Variants in PUM3 observed in about 807,000 individuals in gnomAD.
The protein encoded by PUM3 is pumilio homolog 3.
In PUM3, 91 loss-of-function variants were observed where a neutral mutation model predicts 84.0. The ratio of observed to expected loss-of-function variants is 1.08; its 90% CI spans 0.91 to 1.29. The LOEUF (loss-of-function observed/expected upper bound fraction) is 1.29. Ranked by LOEUF, PUM3 falls within the 50% of genes most tolerant of loss-of-function variation. The pLI is 0.00. For synonymous variants in PUM3, 321 were observed against 266.7 expected (o/e 1.20, Z -1.98); for missense variants, 1,067 against 767.5 (o/e 1.39, Z -4.61).
chr9:2,830,978 T>C lies in PUM3; in HGVS notation c.661A>G (p.Lys221Glu), dbSNP rs922101487. Residue 221 changes from lysine to glutamate, a missense_variant, in exon 7 of 18, where the codon AAA (lysine) becomes GAA (glutamate). Transcript: ENST00000397885. ...ACAACTTACCCATACATGAGAAATT[T>C]CTTAACAATATTTCTCGAATATTTG... ...KAKYSRNIVK[K>E]FLMYGSKPQI... The C allele has an allele frequency of 2.0e-6, 3 of 1,485,646 alleles. No individual in the cohort carries two copies. Among genetic ancestry groups the C allele is most frequent in the Non-Finnish European group, 2.8e-6 (3 of 1,071,262 alleles). The allele number at this position is 1,485,646 out of a possible 1,614,324, so 92.0% of individuals were successfully genotyped here.
intron 10 of PUM3, 107 bp downstream of exon 10, chr9:2,826,966 A>C: frequency 1.3e-6 from 1 of 778,992 alleles, no homozygotes; most frequent in South Asian, 1.7e-5. Context: ...TAAATAAGGA[A>C]GCAACTCTAA....
At chr9:2,819,897 G>C in intron 13 of PUM3, 121 bp downstream of exon 13, 1 of 544,490 alleles carries the variant, frequency 1.8e-6, no homozygotes, top group East Asian at 2.9e-5. Context: ...TTAAAAGTAA[G>C]CAAAAATACT....
At chr9:2,815,484 T>G (rs1432530158) in intron 13 of PUM3, among the ~76,000 whole-genome samples, 2 of 152,198 alleles carry the variant, frequency 1.3e-5, no homozygotes, top group African/African-American at 2.4e-5. Flanking sequence ...GTGCAGAATT[T>G]AATCTCCGGG....
chr9:2,820,496 C>A (rs1224597295), intron 12 of PUM3, among the ~76,000 whole-genome samples: 1 of 151,966 alleles, frequency 6.6e-6, no homozygotes, highest in Non-Finnish European at 1.5e-5. Flanking sequence ...ATACTCCAAT[C>A]ATGAAAAAGA....
At chr9:2,843,755 G>T (rs956923137) in intron 1 of PUM3, among the ~76,000 whole-genome samples, 22 of 151,604 alleles carry the variant, frequency 1.5e-4, no homozygotes, top group Middle Eastern at 3.4e-3. Context: ...ATTTTTTGTA[G>T]TTTTAGTAGA....
chr9:2,830,726 A>T (rs186140563), intron 7 of PUM3, among the ~76,000 whole-genome samples: 1 of 152,160 alleles, frequency 6.6e-6, no homozygotes, highest in Non-Finnish European at 1.5e-5. Flanking sequence ...TTTCAAGGAG[A>T]TTTGCAGGAC....
Position 2,811,393 on chromosome 9 carries a change from T to C in PUM3, c.1603A>G (p.Thr535Ala). The change falls in exon 15 of 18, where the codon ACA becomes GCA. Residue 535 changes from threonine to alanine, a missense_variant. Coordinates refer to ENST00000397885, the MANE Select transcript of PUM3 (RefSeq NM_014878.5). ...TMNAIASLAA[T>A]GLHPGGKDGE... is the part of the protein sequence containing the mutation. Reference sequence around the variant, plus strand: ...TCCTTGCCACCAGGATGCAGTCCTGTTGCTGCCAAGCTGGCGATGGCATTC... The same window carrying C: ...TCCTTGCCACCAGGATGCAGTCCTGCTGCTGCCAAGCTGGCGATGGCATTC... The C allele has an allele frequency of 6.2e-7, 1 of 1,614,134 alleles. No homozygotes were observed. Among genetic ancestry groups the C allele is most frequent in the Non-Finnish European group, 8.5e-7 (1 of 1,180,036 alleles).
intron 1 of PUM3, among the ~76,000 whole-genome samples, chr9:2,841,148 A>T (rs1816255012): frequency 6.6e-6 from 1 of 152,012 alleles, no homozygotes; most frequent in Non-Finnish European, 1.5e-5. Context: ...ACCATCTACA[A>T]TTTATTTATA....
At position 2,840,085 on chromosome 9, in the gene PUM3, T is replaced by C. The variant is rs1178449468; in HGVS notation, c.-10-1568A>G. Among the ~76,000 whole-genome samples, 3 of 152,206 alleles carry C rather than the reference T, an allele frequency of 2.0e-5. No individual in the cohort carries two copies. In the East Asian group the frequency reaches 5.8e-4, roughly 29 times the overall value. ...GGGTTTGCCTGATGTTTTCTCATGA[T>C]TAGGCTAAGGCTACACATTTTTTGG... On this transcript the variant is annotated intron_variant, in intron 1 of 17. Coordinates refer to ENST00000397885, the MANE Select transcript of PUM3 (RefSeq NM_014878.5).
chr9:2,820,478 CAT>C (rs1354794447), intron 12 of PUM3, among the ~76,000 whole-genome samples: 1 of 151,920 alleles, frequency 6.6e-6, no homozygotes, highest in African/African-American at 2.4e-5. Flanking sequence ...TATATAAACA[CAT>C]ATATGATACT....
intron 1 of PUM3, 35 bp from the exon 2 acceptor site, chr9:2,838,552 T>A (rs377688119): frequency 1.3e-4 from 169 of 1,274,474 alleles, no homozygotes; most frequent in Non-Finnish European, 1.8e-4. Context: ...AAACAATCAC[T>A]GCAGTTCTCT....
rs1481941737 is a variant in PUM3 at position 2,825,874 on chromosome 9, T to G, written c.1036-1059A>C. Among the ~76,000 whole-genome samples, 2 of 152,162 alleles carry G rather than the reference T, an allele frequency of 1.3e-5. 1 individual carries two copies. The highest frequency in any genetic ancestry group is 4.8e-5 in the African/African-American group (2 of 41,430). ...TTTTAGTCTATTCCCAATTTAAAAA[T>G]GTACATTAAATAAATACAAAGCCTC... is the stretch of plus-strand genomic sequence containing the variant. On this transcript the variant is annotated intron_variant, in intron 10 of 17. Coordinates refer to ENST00000397885, the MANE Select transcript of PUM3 (RefSeq NM_014878.5).
chr9:2,807,062 G>C (rs1282963148), intron 17 of PUM3, among the ~76,000 whole-genome samples: 1 of 152,058 alleles, frequency 6.6e-6, no homozygotes, highest in African/African-American at 2.4e-5. Context: ...AAAAAAATTA[G>C]CTGGGCGTGG....
intron 3 of PUM3, among the ~76,000 whole-genome samples, chr9:2,836,676 G>A (rs773960314): frequency 5.3e-5 from 8 of 152,072 alleles, no homozygotes; most frequent in African/African-American, 1.7e-4. Flanking sequence ...GTGAAGGCAG[G>A]GTCTCTATGT....
intron 13 of PUM3, among the ~76,000 whole-genome samples, chr9:2,815,033 G>C (rs1393718996): frequency 1.3e-5 from 2 of 152,118 alleles, no homozygotes; most frequent in Non-Finnish European, 2.9e-5. Flanking sequence ...GGGACTTCAT[G>C]ATATGCATAA....
In PUM3 at chr9:2,834,012, C is replaced by A. The variant is rs368954960; in HGVS notation, c.440+19G>T. ...ACTGTTGCAAAGGGACTAACAAAGG[C>A]ATCTTTAGGTAGAATTACCTTCTTA... On this transcript the variant is annotated intron_variant, in intron 4 of 17. Transcript: ENST00000397885. The A allele has an allele frequency of 6.2e-7, 1 of 1,610,006 alleles. No homozygotes were observed. The highest frequency in any genetic ancestry group is 8.5e-7 in the Non-Finnish European group (1 of 1,178,254).
chr9:2,824,333 C>G (rs1010310808), intron 11 of PUM3, among the ~76,000 whole-genome samples: 1 of 152,152 alleles, frequency 6.6e-6, no homozygotes, highest in African/African-American at 2.4e-5. Context: ...AAGTACATAA[C>G]ACCTATGGGA....
intron 4 of PUM3, among the ~76,000 whole-genome samples, chr9:2,833,710 G>C (rs1023267893): frequency 2.0e-5 from 3 of 151,888 alleles, no homozygotes; most frequent in Admixed American, 6.6e-5. Context: ...ACAAATCTAA[G>C]ATAACAAATA....
At chr9:2,830,518 ATAAGT>A (rs1362477053) in intron 7 of PUM3, among the ~76,000 whole-genome samples, 4 of 152,138 alleles carry the variant, frequency 2.6e-5, no homozygotes, top group Admixed American at 6.5e-5. Flanking sequence ...GTGGCTAATT[ATAAGT>A]TAATTATTCT....
Sources: allele counts gnomAD v4.1 joint callset (sites outside exome capture counted in the v4.1 genomes callset), GRCh38; gene constraint gnomAD v4.1.1; transcripts MANE v1.5; gene names NCBI Gene and HGNC (gene_info 2026-07-23, HGNC 2026-07-21).